Variants in LMBRD1 observed in about 807,000 individuals in gnomAD.
LMBRD1 encodes the protein LMBR1 domain containing 1.
LMBRD1 carries 64 observed loss-of-function variants against 74.8 expected under a neutral mutation model. The observed-to-expected ratio is 0.86, with a 90% CI of 0.70 to 1.05. The LOEUF is 1.05. Ranked by LOEUF, LMBRD1 falls within the 50% of genes least tolerant of loss-of-function variation. The probability of loss-of-function intolerance (pLI) is 0.00; values close to 1 mark genes in which losing one functional copy is unlikely to be tolerated. For missense variants in LMBRD1, 652 were observed against 645.9 expected (o/e 1.01, Z -0.10); for synonymous variants, 204 against 216.3 (o/e 0.94, Z 0.50).
At chr6:69,758,288 A>T (rs1477655077) in intron 3 of LMBRD1, among the ~76,000 whole-genome samples, 2 of 152,224 alleles carry the variant, frequency 1.3e-5, no homozygotes, top group Admixed American at 1.3e-4. Context: ...CAGAATAATT[A>T]GTCATTACAA....
At chr6:69,728,993 T>A (rs1279816601) in intron 7 of LMBRD1, among the ~76,000 whole-genome samples, 15 of 118,368 alleles carry the variant, frequency 1.3e-4, no homozygotes, top group Non-Finnish European at 1.6e-4. Flanking sequence ...TGTTTTGCTA[T>A]TTTTTTTTTA....
chr6:69,700,809 T>C lies in LMBRD1; in HGVS notation c.1144A>G (p.Met382Val), dbSNP rs561540830. The C allele has an allele frequency of 2.0e-5, 31 of 1,518,156 alleles. No homozygotes were observed. In the East Asian group the frequency reaches 4.0e-4, roughly 20 times the overall value. The allele number at this position is 1,518,156 out of a possible 1,614,324, so 94.0% of individuals were successfully genotyped here. ...IIIMYFIFTS[M>V]AGIRNIGIWF... ...ATGCCAATATTTCGAATTCCTGCCA[T>C]TGAAGTAAAAATAAAGTACATAATA... Residue 382 changes from methionine (M) to valine (V), a missense_variant, in exon 12 of 16, where the codon ATG (methionine) becomes GTG (valine). Physicochemically the swap from Met to Val is conservative, Grantham distance 21. Transcript: ENST00000649934.
intron 7 of LMBRD1, among the ~76,000 whole-genome samples, chr6:69,735,443 TAA>T (rs11290967): frequency 0.12 from 17,967 of 144,402 alleles, 2,698 homozygotes; most frequent in African/African-American, 0.36. Flanking sequence ...GAAAACAACA[TAA>T]AAAAAAAAAA....
chr6:69,755,477 T>G, intron 3 of LMBRD1, among the ~76,000 whole-genome samples: 1 of 151,518 alleles, frequency 6.6e-6, no homozygotes, highest in Non-Finnish European at 1.5e-5. Flanking sequence ...AAATACCTAA[T>G]GCATGCAGGT....
chr6:69,711,221 G>A (rs936009804), intron 9 of LMBRD1, among the ~76,000 whole-genome samples: 2 of 152,080 alleles, frequency 1.3e-5, no homozygotes, highest in African/African-American at 4.8e-5. Context: ...TCAGACAAAA[G>A]ATTGTACACT....
chr6:69,745,228 C>A (rs1049625166), intron 5 of LMBRD1, among the ~76,000 whole-genome samples: 2 of 151,462 alleles, frequency 1.3e-5, no homozygotes, highest in Non-Finnish European at 2.9e-5. Flanking sequence ...CTTACAATTA[C>A]CGGGTAGGAC....
intron 7 of LMBRD1, among the ~76,000 whole-genome samples, chr6:69,734,965 A>G (rs578133416): frequency 1.3e-5 from 2 of 152,352 alleles, no homozygotes; most frequent in East Asian, 1.9e-4. Context: ...AAAATTATAA[A>G]GAGCTCCTCC....
intron 1 of LMBRD1, among the ~76,000 whole-genome samples, chr6:69,791,310 G>T (rs905566449): frequency 2.0e-5 from 3 of 152,200 alleles, no homozygotes; most frequent in Non-Finnish European, 4.4e-5. Flanking sequence ...CCCAGGTGAG[G>T]CTACTGCTGG....
chr6:69,722,931 T>C (rs1048203975), intron 7 of LMBRD1, among the ~76,000 whole-genome samples: 48 of 152,158 alleles, frequency 3.2e-4, no homozygotes, highest in Non-Finnish European at 6.9e-4. Context: ...ATTGATCTGT[T>C]GCCTACAAGA....
At chr6:69,713,227 A>G (rs1321170776) in intron 9 of LMBRD1, among the ~76,000 whole-genome samples, 1 of 152,148 alleles carries the variant, frequency 6.6e-6, no homozygotes, top group Non-Finnish European at 1.5e-5. Context: ...ACACGCCAAC[A>G]GAATGAAACT....
At chr6:69,715,448 C>T (rs1272698360) in intron 8 of LMBRD1, among the ~76,000 whole-genome samples, 2 of 152,030 alleles carry the variant, frequency 1.3e-5, no homozygotes, top group African/African-American at 2.4e-5. Flanking sequence ...TAATTTTGAT[C>T]AGAGAAACAA....
intron 3 of LMBRD1, among the ~76,000 whole-genome samples, chr6:69,773,502 C>CA (rs931057491): frequency 1.5e-4 from 23 of 151,942 alleles, no homozygotes; most frequent in African/African-American, 5.6e-4. Context: ...GAGAAACTTC[C>CA]AAAAAACTCT....
chr6:69,682,138 G>GA (rs1242559783), intron 14 of LMBRD1, among the ~76,000 whole-genome samples: 1 of 151,346 alleles, frequency 6.6e-6, no homozygotes, highest in Non-Finnish European at 1.5e-5. Context: ...TGGGAAGGCA[G>GA]AAAAAATGAA....
intron 3 of LMBRD1, among the ~76,000 whole-genome samples, chr6:69,767,758 C>T (rs909460793): frequency 2.0e-5 from 3 of 151,838 alleles, no homozygotes; most frequent in African/African-American, 7.2e-5. Flanking sequence ...TCTAACTGTT[C>T]TATCAGAAAA....
intron 5 of LMBRD1, among the ~76,000 whole-genome samples, chr6:69,747,250 C>G (rs578247389): frequency 1.6e-4 from 24 of 152,208 alleles, no homozygotes; most frequent in African/African-American, 5.5e-4. Context: ...CCCTCTCACT[C>G]TCCCCCTCCC....
chr6:69,701,292 T>C (rs1392647591), intron 11 of LMBRD1, 151 bp downstream of exon 11: 3 of 570,114 alleles, frequency 5.3e-6, no homozygotes, highest in Admixed American at 3.2e-5. Flanking sequence ...AAATAAAAAG[T>C]AAAACTAGAA....
At chr6:69,783,723 A>C (rs1765886977) in intron 2 of LMBRD1, among the ~76,000 whole-genome samples, 1 of 135,908 alleles carries the variant, frequency 7.4e-6, no homozygotes, top group African/African-American at 2.5e-5. Context: ...CCAGAGAATA[A>C]TAACAACTAT....
rs6917755 is a variant in LMBRD1 at position 69,761,435 on chromosome 6, C to A, written c.308-9079G>T. Among the ~76,000 whole-genome samples, 875 of 152,212 alleles carry A rather than the reference C, an allele frequency of 5.7e-3. 9 individuals carry two copies. The highest frequency in any genetic ancestry group is 0.017 in the African/African-American group (713 of 41,534). Reference sequence around the variant, plus strand: ...TTCCAATGTATAAGCCTTAGTCCTTCATAACTTTTTAACCTCATTTTTTTA... The same window carrying A: ...TTCCAATGTATAAGCCTTAGTCCTTAATAACTTTTTAACCTCATTTTTTTA... On this transcript the variant is annotated intron_variant, in intron 3 of 15. Transcript: ENST00000649934.
chr6:69,733,038 T>C (rs752544318), intron 7 of LMBRD1, among the ~76,000 whole-genome samples: 7 of 152,076 alleles, frequency 4.6e-5, no homozygotes, highest in Admixed American at 2.6e-4. Context: ...GTAGTCAGAA[T>C]CAGTAAAATT....
Sources: allele counts gnomAD v4.1 joint callset (sites outside exome capture counted in the v4.1 genomes callset), GRCh38; gene constraint gnomAD v4.1.1; transcripts MANE v1.5; gene names NCBI Gene and HGNC (gene_info 2026-07-23, HGNC 2026-07-21).